Variants in WDFY2 observed in about 807,000 individuals in gnomAD.
WDFY2 encodes the protein WD repeat and FYVE domain-containing protein 2.
A neutral mutation model predicts 56.4 loss-of-function variants in WDFY2; 36 were observed. The ratio of observed to expected loss-of-function variants is 0.64; its 90% CI spans 0.49 to 0.84. The LOEUF (loss-of-function observed/expected upper bound fraction) is 0.84, where lower values mean the gene tolerates loss of function less well. Ranked by LOEUF, WDFY2 falls within the 40% of genes least tolerant of loss-of-function variation. The probability of loss-of-function intolerance (pLI) is 0.00; values close to 1 mark genes in which losing one functional copy is unlikely to be tolerated. For missense variants in WDFY2, 444 were observed against 512.2 expected (o/e 0.87, Z 1.29); for synonymous variants, 176 against 183.7 (o/e 0.96, Z 0.34).
At chr13:51,742,943 TAAA>T (rs1484902928) in intron 7 of WDFY2, among the ~76,000 whole-genome samples, 2 of 152,238 alleles carry the variant, frequency 1.3e-5, no homozygotes, top group Non-Finnish European at 2.9e-5. Context: ...AGGCCACTTG[TAAA>T]TAAATATACA....
At chr13:51,649,197 C>T (rs181863903) in intron 1 of WDFY2, among the ~76,000 whole-genome samples, 53 of 152,172 alleles carry the variant, frequency 3.5e-4, no homozygotes, top group African/African-American at 1.3e-3. Context: ...TGCTTGAGAC[C>T]GACTATGGGC....
chr13:51,759,993 T>A lies in WDFY2; in HGVS notation c.*224T>A, dbSNP rs1363394389. 6.0e-6 allele frequency: 3 copies of A among 495,882 alleles called. No individual in the cohort carries two copies. The highest frequency in any genetic ancestry group is 1.1e-5 in the Non-Finnish European group (3 of 275,560). The allele number at this position is 495,882 out of a possible 1,614,324, so 30.7% of individuals were successfully genotyped here. Reference sequence around the variant, plus strand: ...TACAATATAAAAGAAGCTATTTTTTTAACAAATGGTTTATACAGTCTGGCT... The same window carrying A: ...TACAATATAAAAGAAGCTATTTTTTAAACAAATGGTTTATACAGTCTGGCT... On this transcript the variant is annotated 3_prime_UTR_variant, in exon 12 of 12. Coordinates refer to ENST00000298125, the MANE Select transcript of WDFY2 (RefSeq NM_052950.4).
At chr13:51,620,537 A>G (rs1008159759) in intron 1 of WDFY2, among the ~76,000 whole-genome samples, 2 of 151,892 alleles carry the variant, frequency 1.3e-5, no homozygotes, top group Non-Finnish European at 2.9e-5. Context: ...TTGTAGTGGC[A>G]TTATCTCTCC....
chr13:51,705,319 C>A (rs1254092223), intron 4 of WDFY2, among the ~76,000 whole-genome samples: 1 of 152,190 alleles, frequency 6.6e-6, no homozygotes, highest in Admixed American at 6.5e-5. Context: ...AGGCATGCAG[C>A]TAAACTGCAC....
intron 1 of WDFY2, among the ~76,000 whole-genome samples, chr13:51,647,055 G>GGTATTATAA (rs1335103925): frequency 6.6e-6 from 1 of 152,132 alleles, no homozygotes; most frequent in African/African-American, 2.4e-5. Flanking sequence ...CATAGTGTTA[G>GGTATTATAA]GTATTATAAG....
At chr13:51,631,265 C>T (rs1187040929) in intron 1 of WDFY2, among the ~76,000 whole-genome samples, 2 of 151,516 alleles carry the variant, frequency 1.3e-5, no homozygotes, top group African/African-American at 4.8e-5. Context: ...GTGGCTTGTG[C>T]CTGTAGTCTC....
rs144468855 is a variant in WDFY2 at position 51,646,251 on chromosome 13, C to T, written c.138-14345C>T. 5.5e-4 allele frequency among the ~76,000 whole-genome samples: 84 copies of T among 152,356 alleles called. 1 individual carries two copies. Among genetic ancestry groups the T allele is most frequent in the African/African-American group, 2.0e-3 (82 of 41,578 alleles). On this transcript the variant is annotated intron_variant, in intron 1 of 11. Coordinates refer to ENST00000298125, the MANE Select transcript of WDFY2 (RefSeq NM_052950.4). ...GCCTGTTCTTTGTCCAGGCTGGATT[C>T]TCACGACTCCTGCTCGCCTTGCCTC...
intron 1 of WDFY2, chr13:51,586,988 G>A (rs1014137537): frequency 2.6e-5 from 4 of 152,054 alleles, no homozygotes; most frequent in African/African-American, 9.7e-5. Flanking sequence ...CAATGTTAAT[G>A]TCACTTGGTA....
At chr13:51,653,866 A>C (rs1955454827) in intron 1 of WDFY2, among the ~76,000 whole-genome samples, 1 of 152,136 alleles carries the variant, frequency 6.6e-6, no homozygotes, top group African/African-American at 2.4e-5. Flanking sequence ...GACCCACTTG[A>C]GGAGGCAGTC....
chr13:51,627,523 C>T (rs897141483), intron 1 of WDFY2, among the ~76,000 whole-genome samples: 2 of 151,972 alleles, frequency 1.3e-5, no homozygotes, highest in African/African-American at 2.4e-5. Context: ...CACCTGCCAC[C>T]ACACCTGGCT....
At chr13:51,629,983 C>A (rs1440129070) in intron 1 of WDFY2, among the ~76,000 whole-genome samples, 1 of 152,008 alleles carries the variant, frequency 6.6e-6, no homozygotes, top group Non-Finnish European at 1.5e-5. Flanking sequence ...CTAACTACTT[C>A]TTCTTTGATC....
intron 1 of WDFY2, among the ~76,000 whole-genome samples, chr13:51,603,332 C>T (rs111962721): frequency 6.6e-6 from 1 of 152,172 alleles, no homozygotes; most frequent in African/African-American, 2.4e-5. Flanking sequence ...CATTGGGTTC[C>T]CTTGTGGGGC....
chr13:51,646,918 T>C (rs1260061665), intron 1 of WDFY2, among the ~76,000 whole-genome samples: 1 of 152,184 alleles, frequency 6.6e-6, no homozygotes, highest in Non-Finnish European at 1.5e-5. Context: ...TCAACAAAAC[T>C]TGGATGGAAA....
intron 4 of WDFY2, among the ~76,000 whole-genome samples, chr13:51,705,286 T>C (rs1438188148): frequency 6.6e-6 from 1 of 152,214 alleles, no homozygotes; most frequent in Non-Finnish European, 1.5e-5. Context: ...CTTGATTCCA[T>C]CCTGTGAGAG....
rs1953343757 is a variant in WDFY2, at chr13:51,755,339, C to G, written c.832-19C>G. ...TGACTGCTGGCCACAGTGACCTGTT[C>G]TGTGCTTTATTTGACAAGACCCCTG... On this transcript the variant is annotated intron_variant, in intron 8 of 11. Transcript: ENST00000298125. 4 of 1,613,378 alleles carry G rather than the reference C, an allele frequency of 2.5e-6. No individual in the cohort carries two copies. Among genetic ancestry groups the G allele is most frequent in the South Asian group, 1.1e-5 (1 of 91,050 alleles).
chr13:51,742,513 G>A (rs574491696), intron 7 of WDFY2, among the ~76,000 whole-genome samples: 50 of 151,958 alleles, frequency 3.3e-4, no homozygotes, highest in African/African-American at 1.2e-3. Context: ...GGTTATTACC[G>A]AAACATAAAC....
At chr13:51,623,148 G>A (rs1451204029) in intron 1 of WDFY2, among the ~76,000 whole-genome samples, 3 of 151,944 alleles carry the variant, frequency 2.0e-5, no homozygotes, top group East Asian at 1.9e-4. Context: ...AAGAGCCACC[G>A]TGCATGGCCT....
intron 1 of WDFY2, among the ~76,000 whole-genome samples, chr13:51,601,283 C>G (rs1456178215): frequency 6.6e-6 from 1 of 152,090 alleles, no homozygotes; most frequent in Non-Finnish European, 1.5e-5. Flanking sequence ...AGTGGAAAAG[C>G]CTCAAGTATA....
intron 1 of WDFY2, among the ~76,000 whole-genome samples, chr13:51,643,273 T>A (rs1955206579): frequency 6.6e-6 from 1 of 152,156 alleles, no homozygotes; most frequent in Non-Finnish European, 1.5e-5. Flanking sequence ...TGCTGCATTT[T>A]TAAGATGACT....
Sources: gnomAD v4.1 joint callset for allele counts (sites outside exome capture counted in the v4.1 genomes callset) on GRCh38, gnomAD v4.1.1 for gene constraint, MANE v1.5 for transcripts, NCBI Gene and HGNC (gene_info 2026-07-23, HGNC 2026-07-21) for gene names.